The following ATG7 variants were observed in gnomAD, a reference collection of about 807,000 sequenced individuals.
ATG7 encodes autophagy related 7, also known as ubiquitin-like modifier-activating enzyme ATG7.
ATG7 carries 70 observed loss-of-function variants against 82.4 expected under a neutral mutation model. That is an observed-to-expected ratio of 0.85 (90% CI 0.70 to 1.04). The LOEUF is 1.04. ATG7 is among the 50% of genes least tolerant of loss of function. The pLI is 0.00. For missense variants in ATG7, 792 were observed against 864.3 expected, an observed-to-expected ratio of 0.92 and a Z score of 1.05; for synonymous variants, 287 against 313.0, an observed-to-expected ratio of 0.92 and a Z score of 0.88.
At chr3:11,433,727 T>C (rs920956420) in intron 20 of ATG7, among the ~76,000 whole-genome samples, 83 of 152,238 alleles carry the variant, frequency 5.5e-4, no homozygotes, top group African/African-American at 1.9e-3. Flanking sequence ...CAGTATTTGA[T>C]GTTGTACCAT....
chr3:11,435,513 A>G (rs2083291654), intron 20 of ATG7, among the ~76,000 whole-genome samples: 1 of 152,184 alleles, frequency 6.6e-6, no homozygotes, highest in Non-Finnish European at 1.5e-5. Flanking sequence ...GTGTAATAAC[A>G]GGAGAGTTAC....
downstream of ATG7, chr3:11,558,472 A>AG: frequency 1.5e-6 from 1 of 650,970 alleles, no homozygotes; most frequent in Non-Finnish European, 2.1e-6. Context: ...CCCCACCCCC[A>AG]TGATTTTTTT....
chr3:11,575,085 C>A, the ATG7 span, among the ~76,000 whole-genome samples: 2 of 152,136 alleles, frequency 1.3e-5, no homozygotes, highest in South Asian at 2.1e-4. Context: ...CACTTTACAC[C>A]GAGGAAAAGT....
chr3:11,439,717 A>T (rs1200647160), intron 20 of ATG7, among the ~76,000 whole-genome samples: 6 of 152,172 alleles, frequency 3.9e-5, no homozygotes, highest in African/African-American at 1.4e-4. Flanking sequence ...TTAGGTTTTG[A>T]GGTGCGTCTT....
intron 11 of ATG7, among the ~76,000 whole-genome samples, chr3:11,336,474 T>A (rs1441252244): frequency 1.3e-5 from 2 of 152,186 alleles, no homozygotes; most frequent in African/African-American, 4.8e-5. Context: ...GCAAATGAAT[T>A]TCCTGTTTTT....
chr3:11,523,189 C>CT (rs1303800788), intron 20 of ATG7, among the ~76,000 whole-genome samples: 10 of 152,144 alleles, frequency 6.6e-5, no homozygotes, highest in Admixed American at 6.5e-4. Flanking sequence ...GATGACTGTT[C>CT]TATATAAATA....
At chr3:11,496,482 TGTAATACCAA>T (rs2090843962) in intron 20 of ATG7, among the ~76,000 whole-genome samples, 1 of 152,208 alleles carries the variant, frequency 6.6e-6, no homozygotes, top group Non-Finnish European at 1.5e-5. Flanking sequence ...TAGCACAAGC[TGTAATACCAA>T]GTTGCTCTTC....
At chr3:11,429,265 G>C (rs575793412) in intron 20 of ATG7, among the ~76,000 whole-genome samples, 1 of 152,210 alleles carries the variant, frequency 6.6e-6, no homozygotes, top group African/African-American at 2.4e-5. Context: ...GGAGGCCGAG[G>C]GGGGCAGATC....
chr3:11,551,770 G>T (rs534720642), intron 20 of ATG7, among the ~76,000 whole-genome samples: 2 of 150,736 alleles, frequency 1.3e-5, no homozygotes, highest in African/African-American at 2.4e-5. Context: ...TTTTCTCGAG[G>T]CAGGGTCTCA....
intron 20 of ATG7, among the ~76,000 whole-genome samples, chr3:11,550,288 G>C (rs953434788): frequency 1.5e-4 from 22 of 150,902 alleles, no homozygotes; most frequent in Admixed American, 6.6e-5. Flanking sequence ...TTATGAGTAG[G>C]GCTGTGCATC....
chr3:11,323,140 C>T (rs1052675541), intron 9 of ATG7, among the ~76,000 whole-genome samples: 6 of 152,218 alleles, frequency 3.9e-5, no homozygotes, highest in African/African-American at 1.4e-4. Context: ...CAGTGGTGTG[C>T]TGGTAAATGT....
intron 18 of ATG7, among the ~76,000 whole-genome samples, chr3:11,379,569 A>T (rs80280444): frequency 6.6e-6 from 1 of 152,224 alleles, no homozygotes; most frequent in Non-Finnish European, 1.5e-5. Flanking sequence ...AAATCATGTC[A>T]TAGAAATGTG....
At chr3:11,522,664 A>G (rs867339916) in intron 20 of ATG7, among the ~76,000 whole-genome samples, 1 of 152,230 alleles carries the variant, frequency 6.6e-6, no homozygotes, top group Admixed American at 6.5e-5. Context: ...TCTAGAGGTC[A>G]TTTATACCAA....
intron 20 of ATG7, chr3:11,446,382 T>G (rs532838204): frequency 6.8e-6 from 2 of 295,756 alleles, no homozygotes; most frequent in South Asian, 5.6e-5. Flanking sequence ...CAGAGACTCT[T>G]TATTTGTAAG....
intron 5 of ATG7, among the ~76,000 whole-genome samples, chr3:11,303,663 G>GTC (rs1205250665): frequency 6.7e-6 from 1 of 149,810 alleles, no homozygotes; most frequent in Non-Finnish European, 1.5e-5. Flanking sequence ...GCGAGACTCC[G>GTC]TCTCTAAAAA....
intron 20 of ATG7, among the ~76,000 whole-genome samples, chr3:11,545,902 G>A (rs2071241871): frequency 6.6e-6 from 1 of 152,136 alleles, no homozygotes; most frequent in Admixed American, 6.5e-5. Context: ...CATTTTGGGA[G>A]GCCAAGCCAG....
intron 20 of ATG7, among the ~76,000 whole-genome samples, chr3:11,449,272 T>C (rs1187266787): frequency 6.6e-6 from 1 of 152,124 alleles, no homozygotes; most frequent in Admixed American, 6.5e-5. Flanking sequence ...TTCAGGAGGC[T>C]GGGGTGGGAG....
intron 20 of ATG7, among the ~76,000 whole-genome samples, chr3:11,528,676 A>G (rs926463146): frequency 6.6e-6 from 1 of 151,952 alleles, no homozygotes; most frequent in Admixed American, 6.6e-5. Flanking sequence ...AAATACAAAA[A>G]TTAGCCGGGC....
At chr3:11,312,494 T>G (rs931181866) in intron 7 of ATG7, among the ~76,000 whole-genome samples, 3 of 152,218 alleles carry the variant, frequency 2.0e-5, no homozygotes, top group African/African-American at 7.2e-5. Context: ...ATGTAACCTC[T>G]TCTATTCACC....
Sources: gnomAD v4.1 joint callset for allele counts (sites outside exome capture counted in the v4.1 genomes callset) on GRCh38, gnomAD v4.1.1 for gene constraint, MANE v1.5 for transcripts, NCBI Gene and HGNC (gene_info 2026-07-23, HGNC 2026-07-21) for gene names.